HKDC1: variants seen among roughly 807,000 people sequenced by gnomAD.
HKDC1 encodes hexokinase HKDC1.
A neutral mutation model predicts 96.6 loss-of-function variants in HKDC1; 66 were observed. That is an observed-to-expected ratio of 0.68 (90% CI 0.56 to 0.84). The LOEUF is 0.84. Ranked by LOEUF, HKDC1 falls within the 40% of genes least tolerant of loss-of-function variation. The pLI, the probability that HKDC1 is intolerant of heterozygous loss-of-function variation, is 0.00. For missense variants in HKDC1, 1,211 were observed against 1,208.1 expected (o/e 1.00, Z -0.04); for synonymous variants, 466 against 473.1 (o/e 0.98, Z 0.20).
intron 7 of HKDC1, among the ~76,000 whole-genome samples, chr10:69,244,410 C>A (rs1266899894): frequency 6.6e-6 from 1 of 152,242 alleles, no homozygotes; most frequent in African/African-American, 2.4e-5. Context: ...TTGGTGGCAC[C>A]TACTCCAGGC....
In HKDC1 at chr10:69,243,164, C is replaced by A. The variant is rs750577149; in HGVS notation, c.692-18C>A. 2 of 1,613,934 alleles carry A rather than the reference C, an allele frequency of 1.2e-6. No individual in the cohort carries two copies. Among genetic ancestry groups the A allele is most frequent in the Non-Finnish European group, 1.7e-6 (2 of 1,179,808 alleles). On this transcript the variant is annotated intron_variant, in intron 6 of 17. Coordinates refer to ENST00000354624, the MANE Select transcript of HKDC1 (RefSeq NM_025130.4). ...TGGGAGTCCTCTCTCTGCATATTCT[C>A]TCTGATCCCTGGTTCAGGAACTGGC...
intron 6 of HKDC1, among the ~76,000 whole-genome samples, chr10:69,240,999 G>A (rs1843449201): frequency 6.6e-6 from 1 of 152,164 alleles, no homozygotes; most frequent in Non-Finnish European, 1.5e-5. Flanking sequence ...AACTTTCAGT[G>A]GGGAGGTGGG....
chr10:69,253,601 A>C (rs1843676909), intron 12 of HKDC1, among the ~76,000 whole-genome samples: 1 of 152,186 alleles, frequency 6.6e-6, no homozygotes, highest in Non-Finnish European at 1.5e-5. Flanking sequence ...CATGGTGAGG[A>C]CTAAATGAGC....
At chr10:69,252,278 G>A (rs982040706) in intron 12 of HKDC1, among the ~76,000 whole-genome samples, 2 of 152,048 alleles carry the variant, frequency 1.3e-5, no homozygotes, top group South Asian at 4.2e-4. Context: ...TTGGGAGGTC[G>A]ACATGGAAGG....
chr10:69,250,447 G>A lies in HKDC1; in HGVS notation c.1716+12G>A, dbSNP rs1843622797. ...GCACTGGTGAGGAGGTAAGTGCCAG[G>A]CAAGGCCTTTGGGCTCCGAGGTGCC... On this transcript the variant is annotated intron_variant, in intron 11 of 17. Coordinates refer to ENST00000354624, the MANE Select transcript of HKDC1 (RefSeq NM_025130.4). The A allele has an allele frequency of 1.9e-6, 3 of 1,612,274 alleles. No individual in the cohort carries two copies. The highest frequency in any genetic ancestry group is 1.3e-5 in the African/African-American group (1 of 75,026).
chr10:69,220,524 G>C, intron 1 of HKDC1, 26 bp downstream of exon 1: 1 of 1,515,720 alleles, frequency 6.6e-7, no homozygotes. Flanking sequence ...GAAGCTGAGA[G>C]ATGCCCAGCT....
At position 69,248,612 on chromosome 10, in the gene HKDC1, T is replaced by A. The variant is rs763161756; in HGVS notation, c.1454T>A (p.Val485Glu). The A allele has an allele frequency of 1.2e-6, 2 of 1,614,096 alleles. No homozygotes were observed. Among genetic ancestry groups the A allele is most frequent in the Non-Finnish European group, 1.7e-6 (2 of 1,180,024 alleles). Residue 485 changes from valine (V) to glutamate (E), a missense_variant, in exon 10 of 18, where the codon GTG becomes GAG. Physicochemically the swap from Val to Glu is moderately radical, Grantham distance 121. Transcript: ENST00000354624. ...ALFQLTREQL[V>E]DVQAKMRAEL... ...TTCCAGCTGACCCGAGAGCAGCTCG[T>A]GGACGTGCAGGCCAAGATGCGGGCT...
chr10:69,261,109 G>T (rs879126685), intron 15 of HKDC1, 30 bp from the exon 16 acceptor site: 1 of 1,604,148 alleles, frequency 6.2e-7, no homozygotes. Flanking sequence ...TTGCAGGTCT[G>T]CCCCAACCTT....
At chr10:69,249,975 G>A (rs1490359267) in intron 10 of HKDC1, among the ~76,000 whole-genome samples, 1 of 152,212 alleles carries the variant, frequency 6.6e-6, no homozygotes, top group Non-Finnish European at 1.5e-5. Context: ...AAGATAAAAA[G>A]CCATTTCTCA....
chr10:69,265,983 G>A (rs1455231524), intron 17 of HKDC1, among the ~76,000 whole-genome samples, 165 bp downstream of exon 17: 1 of 152,216 alleles, frequency 6.6e-6, no homozygotes, highest in African/African-American at 2.4e-5. Context: ...GACAGACAAG[G>A]TGTGAGCCCT....
intron 2 of HKDC1, among the ~76,000 whole-genome samples, chr10:69,230,653 G>A (rs1843241926): frequency 6.6e-6 from 1 of 152,136 alleles, no homozygotes; most frequent in Non-Finnish European, 1.5e-5. Context: ...TCCCTCCGTT[G>A]CCCAACCTGC....
At chr10:69,264,057 C>A (rs1843851348) in intron 16 of HKDC1, among the ~76,000 whole-genome samples, 1 of 152,240 alleles carries the variant, frequency 6.6e-6, no homozygotes, top group Admixed American at 6.5e-5. Flanking sequence ...ACTTGGGAGG[C>A]TGAGGCAGGA....
intron 2 of HKDC1, among the ~76,000 whole-genome samples, chr10:69,231,306 C>A (rs577086746): frequency 6.6e-6 from 1 of 152,344 alleles, no homozygotes; most frequent in South Asian, 2.1e-4. Flanking sequence ...AGCTCCCTCT[C>A]ACCTTCCAGA....
At chr10:69,240,590 G>C (rs1461324173) in intron 5 of HKDC1, 62 bp from the exon 6 acceptor site, 1 of 1,375,174 alleles carries the variant, frequency 7.3e-7, no homozygotes, top group Admixed American at 1.7e-5. Context: ...CCTCTGTGGG[G>C]AAGGAGGGAG....
chr10:69,239,766 C>CTTTTTTTTT (rs33937984), intron 5 of HKDC1, among the ~76,000 whole-genome samples: 2 of 126,642 alleles, frequency 1.6e-5, no homozygotes, highest in African/African-American at 3.0e-5. Flanking sequence ...TTTCATTTTA[C>CTTTTTTTTT]TTTTTTTTTT....
intron 12 of HKDC1, among the ~76,000 whole-genome samples, chr10:69,256,021 G>A (rs1445938425): frequency 6.6e-6 from 1 of 152,002 alleles, no homozygotes; most frequent in South Asian, 2.1e-4. Flanking sequence ...ACAAAAAGGA[G>A]AGAGGAAAAG....
chr10:69,220,904 C>CT (rs1843050567), intron 1 of HKDC1, among the ~76,000 whole-genome samples: 1 of 152,216 alleles, frequency 6.6e-6, no homozygotes, highest in Admixed American at 6.5e-5. Flanking sequence ...AATCCTAGCA[C>CT]TTTAGGAGGC....
Position 69,257,588 on chromosome 10 carries a change from A to G in HKDC1, c.2032+162A>G, listed in dbSNP as rs958023361. On this transcript the variant is annotated intron_variant, in intron 14 of 17. Transcript: ENST00000354624. ...TTCCAGGTCACCAAGTTCTTTCTGC[A>G]TTAAGAGTCCTAAGCCAAGGTCATC... 1.7e-4 allele frequency among the ~76,000 whole-genome samples: 26 copies of G among 152,346 alleles called. 1 individual carries two copies. The highest frequency in any genetic ancestry group is 5.3e-4 in the African/African-American group (22 of 41,570).
intron 2 of HKDC1, among the ~76,000 whole-genome samples, chr10:69,229,251 G>A (rs1042155606): frequency 3.9e-5 from 6 of 152,182 alleles, no homozygotes; most frequent in African/African-American, 1.4e-4. Context: ...TCGTGTTCTG[G>A]ACCTCTCTGG....
Sources: gnomAD v4.1 joint callset for allele counts (sites outside exome capture counted in the v4.1 genomes callset) on GRCh38, gnomAD v4.1.1 for gene constraint, MANE v1.5 for transcripts, NCBI Gene and HGNC (gene_info 2026-07-23, HGNC 2026-07-21) for gene names.